The following DZIP1L variants were observed in gnomAD, a reference collection of about 807,000 sequenced individuals.
DZIP1L encodes the protein DAZ interacting zinc finger protein 1 like.
A neutral mutation model predicts 88.7 loss-of-function variants in DZIP1L; 90 were observed. That is an observed-to-expected ratio of 1.02 (90% CI 0.86 to 1.21). The LOEUF (loss-of-function observed/expected upper bound fraction) is 1.21, where lower values mean the gene tolerates loss of function less well. Ranked by LOEUF, DZIP1L falls within the 50% of genes most tolerant of loss-of-function variation. The pLI is 0.00. For synonymous variants in DZIP1L, 363 were observed against 372.1 expected (o/e 0.98, Z 0.28); for missense variants, 932 against 955.8 (o/e 0.98, Z 0.33).
intron 5 of DZIP1L, among the ~76,000 whole-genome samples, chr3:138,091,402 G>A (rs1340217315): frequency 6.6e-6 from 1 of 151,580 alleles, no homozygotes; most frequent in Non-Finnish European, 1.5e-5. Context: ...TGGATCACTT[G>A]AGGTCAGAAG....
Position 138,071,672 on chromosome 3 carries a change from A to G in DZIP1L, c.1586T>C (p.Val529Ala), listed in dbSNP as rs17856977. Residue 529 changes from valine to alanine, a missense_variant, in exon 12 of 16, where the codon GTG becomes GCG. Val to Ala is a moderately conservative substitution (Grantham distance 64, BLOSUM62 0). Transcript: ENST00000327532. ...RAKERQENGA[V>A]VSQPDGQPSV... ...AGGCTGCCCGTCTGGCTGGGACACC[A>G]CAGCGCCATTCTCCTGTCTCTCCTT... 1.9e-6 allele frequency: 3 copies of G among 1,613,978 alleles called. No homozygotes were observed. The highest frequency in any genetic ancestry group is 2.5e-6 in the Non-Finnish European group (3 of 1,179,874).
chr3:138,080,694 C>A, intron 9 of DZIP1L, 74 bp from the exon 10 acceptor site: 1 of 1,519,120 alleles, frequency 6.6e-7, no homozygotes. Context: ...AGTACAGAAC[C>A]CCAGCTGAGT....
chr3:138,089,265 C>T (rs1040329174), intron 5 of DZIP1L: 1 of 985,336 alleles, frequency 1.0e-6, no homozygotes, highest in African/African-American at 1.7e-5. Context: ...AATTTCTAAA[C>T]TCCCTGAATA....
chr3:138,107,004 G>A (rs1576507548), intron 1 of DZIP1L, among the ~76,000 whole-genome samples: 2 of 152,354 alleles, frequency 1.3e-5, no homozygotes, highest in African/African-American at 4.8e-5. Flanking sequence ...ATGAGACTTG[G>A]AGAAGATGCA....
chr3:138,088,630 A>G, intron 5 of DZIP1L, 123 bp from the exon 6 acceptor site: 2 of 1,396,568 alleles, frequency 1.4e-6, no homozygotes, highest in Non-Finnish European at 1.9e-6. Flanking sequence ...CATCCTCACT[A>G]GATACCTACT....
chr3:138,085,037 C>CT (rs1943858213), intron 7 of DZIP1L, among the ~76,000 whole-genome samples: 1 of 152,194 alleles, frequency 6.6e-6, no homozygotes. Context: ...TTACTGTAGC[C>CT]TTGTAGTATA....
rs757517173 is a variant in DZIP1L, at chr3:138,084,103, G to C, written c.1203+10C>G. ...CACCAAGGCCTGGCTGAAAGGAAGG[G>C]CAGACCTACCATCTCCTCCTGGGAG... On this transcript the variant is annotated intron_variant, in intron 8 of 15. Coordinates refer to ENST00000327532, the MANE Select transcript of DZIP1L (RefSeq NM_173543.3). 21 of 1,612,858 alleles carry C rather than the reference G, an allele frequency of 1.3e-5. No homozygotes were observed. The highest frequency in any genetic ancestry group is 1.7e-5 in the Non-Finnish European group (20 of 1,179,442).
intron 1 of DZIP1L, among the ~76,000 whole-genome samples, chr3:138,107,592 G>C (rs1309901883): frequency 1.3e-5 from 2 of 152,176 alleles, no homozygotes; most frequent in Non-Finnish European, 2.9e-5. Context: ...AGGTTCATCT[G>C]GCACCAAAGC....
At position 138,103,840 on chromosome 3, in the gene DZIP1L, G is replaced by T; in HGVS notation, c.132C>A (p.Asp44Glu). 1.2e-6 allele frequency: 2 copies of T among 1,614,184 alleles called. No homozygotes were observed. Among genetic ancestry groups the T allele is most frequent in the Non-Finnish European group, 1.7e-6 (2 of 1,180,054 alleles). The change falls in exon 2 of 16, where the codon GAC becomes GAA. Residue 44 changes from aspartate (D) to glutamate (E), a missense_variant. Transcript: ENST00000327532. The part of the protein sequence containing the change: ...DWRRISTLDV[D>E]RVARELDVAT... ...CCACATCCAGTTCCCGGGCCACGCGGTCTACATCCAGGGTGCTAATGCGTC... is the reference window on the plus strand; with the variant it reads ...CCACATCCAGTTCCCGGGCCACGCGTTCTACATCCAGGGTGCTAATGCGTC...
At chr3:138,101,867 G>T in intron 2 of DZIP1L, 1 of 1,383,016 alleles carries the variant, frequency 7.2e-7, no homozygotes. Flanking sequence ...GCGCCCTCCA[G>T]CTCGGACAGC....
At chr3:138,103,280 C>T (rs2042379188) in intron 2 of DZIP1L, among the ~76,000 whole-genome samples, 191 bp downstream of exon 2, 1 of 152,138 alleles carries the variant, frequency 6.6e-6, no homozygotes, top group South Asian at 2.1e-4. Flanking sequence ...CACACACACA[C>T]ACTGTAGAAC....
Position 138,102,628 on chromosome 3 carries a change from G to T in DZIP1L, c.501+843C>A. The T allele has an allele frequency of 2.8e-6, 4 of 1,446,140 alleles. No individual in the cohort carries two copies. In the South Asian group the frequency reaches 3.4e-5, roughly 12 times the overall value. The allele number at this position is 1,446,140 out of a possible 1,614,324, so 89.6% of individuals were successfully genotyped here. On this transcript the variant is annotated intron_variant, in intron 2 of 15. Coordinates refer to ENST00000327532, the MANE Select transcript of DZIP1L (RefSeq NM_173543.3). ...GAAGGAGGCAAACTTGTTGTTGAGGGTCTTGATCTGCTCCTTCTCCTGGGT... is the reference window on the plus strand; with the variant it reads ...GAAGGAGGCAAACTTGTTGTTGAGGTTCTTGATCTGCTCCTTCTCCTGGGT...
At chr3:138,091,736 C>G (rs990301982) in intron 5 of DZIP1L, among the ~76,000 whole-genome samples, 10 of 150,978 alleles carry the variant, frequency 6.6e-5, no homozygotes, top group Admixed American at 6.6e-4. Context: ...AATAAAATAG[C>G]TTTTTTAAAA....
In DZIP1L at chr3:138,063,547, C is replaced by T. The variant is rs376904036; in HGVS notation, c.2143-570G>A. ...GCCACCCCCTGACCACAGCCACCTGCGTAGCAGCCCAGGCTTTCCCCTCTG... is the reference window on the plus strand; with the variant it reads ...GCCACCCCCTGACCACAGCCACCTGTGTAGCAGCCCAGGCTTTCCCCTCTG... On this transcript the variant is annotated intron_variant, in intron 15 of 15. Coordinates refer to ENST00000327532, the MANE Select transcript of DZIP1L (RefSeq NM_173543.3). This position sits in a 1 kb window ranked among gnomAD's most constrained non-coding sequence, Gnocchi z 4.1. 6.6e-5 allele frequency among the ~76,000 whole-genome samples: 10 copies of T among 152,316 alleles called. No homozygotes were observed. The highest frequency in any genetic ancestry group is 1.9e-4 in the East Asian group (1 of 5,170).
intron 14 of DZIP1L, 141 bp from the exon 15 acceptor site, chr3:138,064,908 A>T: frequency 7.9e-7 from 1 of 1,264,482 alleles, no homozygotes; most frequent in Non-Finnish European, 1.1e-6. Flanking sequence ...GCAACCACAA[A>T]AAAGGAGACA....
chr3:138,080,207 A>T (rs2724696), intron 10 of DZIP1L: 145 of 167,920 alleles, frequency 8.6e-4, no homozygotes, highest in African/African-American at 3.4e-3. Context: ...TAAGTCAACT[A>T]GGCGAGTTAT....
At chr3:138,086,424 T>C (rs1353075751) in intron 7 of DZIP1L, among the ~76,000 whole-genome samples, 1 of 152,212 alleles carries the variant, frequency 6.6e-6, no homozygotes, top group Non-Finnish European at 1.5e-5. Flanking sequence ...GGGGCTCTTA[T>C]GAACCAGCTT....
At chr3:138,101,561 T>C (rs549785650) in intron 2 of DZIP1L, 128 of 802,868 alleles carry the variant, frequency 1.6e-4, no homozygotes, top group Non-Finnish European at 2.5e-4. Flanking sequence ...GTGGCCCTGG[T>C]GGAGCTGGTG....
At chr3:138,079,570 C>T (rs1170445261) in intron 10 of DZIP1L, among the ~76,000 whole-genome samples, 1 of 152,120 alleles carries the variant, frequency 6.6e-6, no homozygotes, top group Non-Finnish European at 1.5e-5. Context: ...AGAATGGGTA[C>T]ACACATGTGC....
Sources: allele counts gnomAD v4.1 joint callset (sites outside exome capture counted in the v4.1 genomes callset), GRCh38; gene constraint gnomAD v4.1.1; non-coding constraint Gnocchi (gnomAD v3.1); transcripts MANE v1.5; gene names NCBI Gene and HGNC (gene_info 2026-07-23, HGNC 2026-07-21).